The following CDH13 variants were observed in gnomAD, a reference collection of about 807,000 sequenced individuals.
CDH13 encodes the protein cadherin 13.
CDH13 carries 24 observed loss-of-function variants against 63.8 expected under a neutral mutation model. The ratio of observed to expected loss-of-function variants is 0.38; its 90% CI spans 0.27 to 0.53. The LOEUF (loss-of-function observed/expected upper bound fraction) is 0.53, where lower values mean the gene tolerates loss of function less well. CDH13 is among the 20% of genes least tolerant of loss of function. The pLI is 0.85. For missense variants in CDH13, 1,049 were observed against 903.1 expected (o/e 1.16, Z -2.07); for synonymous variants, 503 against 355.3 (o/e 1.42, Z -4.67).
chr16:83,456,577 G>T (rs1366972113), intron 6 of CDH13, among the ~76,000 whole-genome samples: 1 of 152,150 alleles, frequency 6.6e-6, no homozygotes, highest in Non-Finnish European at 1.5e-5. Flanking sequence ...GAGTGTGCCA[G>T]ATGGGCTAAT....
At chr16:83,668,324 G>A (rs1914190529) in intron 8 of CDH13, among the ~76,000 whole-genome samples, 1 of 152,170 alleles carries the variant, frequency 6.6e-6, no homozygotes, top group African/African-American at 2.4e-5. Flanking sequence ...TGAAGAGACA[G>A]GTGCACATAG....
At chr16:83,108,097 A>C (rs1409104333) in intron 3 of CDH13, among the ~76,000 whole-genome samples, 1 of 152,174 alleles carries the variant, frequency 6.6e-6, no homozygotes, top group Non-Finnish European at 1.5e-5. Flanking sequence ...CTGGGATTAC[A>C]GACATGAGCC....
At chr16:83,066,214 G>C (rs72796232) in intron 3 of CDH13, among the ~76,000 whole-genome samples, 8 of 152,076 alleles carry the variant, frequency 5.3e-5, no homozygotes. Flanking sequence ...GTGATGATGA[G>C]TTCTTCTCAA....
chr16:83,601,173 T>C (rs1231745114), intron 7 of CDH13, among the ~76,000 whole-genome samples: 1 of 152,070 alleles, frequency 6.6e-6, no homozygotes, highest in Non-Finnish European at 1.5e-5. Context: ...CCAAACCACA[T>C]GAGCAGAGAA....
At chr16:82,959,155 C>A (rs1243121742) in intron 2 of CDH13, among the ~76,000 whole-genome samples, 1 of 152,138 alleles carries the variant, frequency 6.6e-6, no homozygotes, top group Non-Finnish European at 1.5e-5. Flanking sequence ...AGTAAATTTC[C>A]CCTTTTATTT....
intron 10 of CDH13, among the ~76,000 whole-genome samples, chr16:83,680,719 C>A (rs889287587): frequency 6.6e-6 from 1 of 152,054 alleles, no homozygotes; most frequent in Non-Finnish European, 1.5e-5. Context: ...GTTTCTCTAG[C>A]CAGTGTAATC....
chr16:82,889,070 C>T (rs1387825831), intron 2 of CDH13, among the ~76,000 whole-genome samples: 1 of 152,204 alleles, frequency 6.6e-6, no homozygotes, highest in Non-Finnish European at 1.5e-5. Flanking sequence ...GTGAAGCCTT[C>T]TCTAATGAAT....
Position 83,469,146 on chromosome 16 carries a change from G to C in CDH13, c.782-17331G>C, listed in dbSNP as rs563623089. On this transcript the variant is annotated intron_variant, in intron 6 of 13. Transcript: ENST00000567109. ...CAGCAGAAGCAGAAAGTTCAAGGCC[G>C]TGGAAGATAGCAGTTCAAGTGGCAG... Among the ~76,000 whole-genome samples, 6 of 152,308 alleles carry C rather than the reference G, an allele frequency of 3.9e-5. No homozygotes were observed. The South Asian group carries it at 1.2e-3, about 32-fold the overall frequency.
At chr16:82,877,936 CACACACACACACACACACACACACATAT>C (rs908787983) in intron 2 of CDH13, among the ~76,000 whole-genome samples, 15 of 136,318 alleles carry the variant, frequency 1.1e-4, no homozygotes, top group Non-Finnish European at 1.5e-4. Context: ...CACACACACA[CACACACACACACACACACACACACATAT>C]ACACACACAC....
At chr16:82,709,309 TTC>T (rs1196517004) in intron 1 of CDH13, among the ~76,000 whole-genome samples, 1 of 152,218 alleles carries the variant, frequency 6.6e-6, no homozygotes, top group Non-Finnish European at 1.5e-5. Context: ...TGCAATTTTT[TTC>T]TGTTTTCTGT....
intron 2 of CDH13, among the ~76,000 whole-genome samples, chr16:82,917,740 C>T (rs1484311631): frequency 5.3e-5 from 8 of 151,952 alleles, no homozygotes; most frequent in Non-Finnish European, 8.8e-5. Flanking sequence ...GGTGAAACCT[C>T]GGCTCTACTA....
intron 2 of CDH13, among the ~76,000 whole-genome samples, chr16:83,000,791 A>C (rs111773157): frequency 6.6e-6 from 1 of 151,686 alleles, no homozygotes; most frequent in Non-Finnish European, 1.5e-5. Flanking sequence ...GTGTTAGCCA[A>C]GATGATCTCA....
chr16:83,732,077 G>A (rs760779215), intron 10 of CDH13, among the ~76,000 whole-genome samples: 5 of 152,122 alleles, frequency 3.3e-5, no homozygotes, highest in African/African-American at 4.8e-5. Context: ...ACTGTGAGCC[G>A]GGTCCTAACT....
chr16:83,113,975 T>C (rs1031056776), intron 3 of CDH13, among the ~76,000 whole-genome samples: 5 of 137,324 alleles, frequency 3.6e-5, no homozygotes, highest in Admixed American at 6.9e-5. Flanking sequence ...GAGAAGAATG[T>C]TTGTAAAAGA....
chr16:83,037,521 C>T (rs749674114), intron 3 of CDH13, among the ~76,000 whole-genome samples: 1 of 152,114 alleles, frequency 6.6e-6, no homozygotes, highest in Non-Finnish European at 1.5e-5. Flanking sequence ...GCCAGGATCC[C>T]GTATCTGGAT....
At chr16:83,373,996 G>A (rs575157135) in intron 6 of CDH13, among the ~76,000 whole-genome samples, 9 of 152,298 alleles carry the variant, frequency 5.9e-5, no homozygotes, top group South Asian at 2.1e-4. Context: ...ACAGGAAGTC[G>A]AAGGTCTTTC....
rs1048679659 is a variant in CDH13, at chr16:83,471,095, C to T, written c.782-15382C>T. Among the ~76,000 whole-genome samples, 2 of 152,052 alleles carry T rather than the reference C, an allele frequency of 1.3e-5. 1 individual carries two copies. The highest frequency in any genetic ancestry group is 1.3e-4 in the Admixed American group (2 of 15,256). On this transcript the variant is annotated intron_variant, in intron 6 of 13. Coordinates refer to ENST00000567109, the MANE Select transcript of CDH13 (RefSeq NM_001257.5). ...ACATCTCCTTCTCTGACTCCCATGT[C>T]TCTCTCTTACAAGGACCTTGTTGGG...
chr16:83,256,674 CAAAAA>C (rs59651612), intron 5 of CDH13, among the ~76,000 whole-genome samples: 31,183 of 115,588 alleles, frequency 0.27, 3,849 homozygotes, highest in East Asian at 0.38. Flanking sequence ...TACTAAAATA[CAAAAA>C]AAAAAAAAAA....
At chr16:83,239,587 G>C (rs1904299294) in intron 5 of CDH13, among the ~76,000 whole-genome samples, 1 of 152,120 alleles carries the variant, frequency 6.6e-6, no homozygotes, top group Non-Finnish European at 1.5e-5. Flanking sequence ...AAGAAAATAG[G>C]CATAGCATCA....
Sources: gnomAD v4.1 joint callset for allele counts (sites outside exome capture counted in the v4.1 genomes callset) on GRCh38, gnomAD v4.1.1 for gene constraint, MANE v1.5 for transcripts, NCBI Gene and HGNC (gene_info 2026-07-23, HGNC 2026-07-21) for gene names.